RMDN1: variants seen among roughly 807,000 people sequenced by gnomAD.
The protein encoded by RMDN1 is regulator of microtubule dynamics protein 1.
Under a neutral mutation model 48.9 loss-of-function variants are expected in RMDN1, and 48 were observed. The ratio of observed to expected loss-of-function variants is 0.98; its 90% CI spans 0.78 to 1.25. The LOEUF (loss-of-function observed/expected upper bound fraction) is 1.25. Among genes scored for constraint, RMDN1 ranks in the 50% most tolerant of loss-of-function variants. RMDN1 has a pLI of 0.00. For synonymous variants in RMDN1, 148 were observed against 132.6 expected (o/e 1.12, Z -0.80); for missense variants, 418 against 373.4 (o/e 1.12, Z -0.98).
At chr8:86,508,253 C>A (rs1819712696) in intron 1 of RMDN1, 4 of 444,732 alleles carry the variant, frequency 9.0e-6, no homozygotes, top group Non-Finnish European at 1.6e-5. Context: ...GGGTAGCAGG[C>A]AGCTTCTGGG....
chr8:86,480,308 CT>C lies in RMDN1; in HGVS notation c.609del (p.Asp204MetfsTer42). On this transcript the variant is annotated frameshift_variant, in exon 6 of 10. Coordinates refer to ENST00000406452, the MANE Select transcript of RMDN1 (RefSeq NM_016033.3). LOFTEE classifies it high-confidence loss of function. ...HFEKAIELNPKDATSIHLMGI... is the reference protein window; with the variant it reads ...HFEKAIELNPXDATSIHLMGI... ...CCCATAAGGTGAATTGAAGTAGCAT[CT>C]TTAGGGTTCAGTTCAATTGCTTTCT... 6.5e-7 allele frequency: 1 copy of C among 1,543,654 alleles called. No individual in the cohort carries two copies. The highest frequency in any genetic ancestry group is 1.2e-5 in the South Asian group (1 of 81,920).
intron 2 of RMDN1, among the ~76,000 whole-genome samples, chr8:86,502,805 T>C (rs938616113): frequency 6.6e-6 from 1 of 152,196 alleles, no homozygotes; most frequent in Non-Finnish European, 1.5e-5. Context: ...ATTTCAGGCT[T>C]TGTGAGCCAT....
Position 86,472,468 on chromosome 8 carries a change from G to GTT in RMDN1, c.*1838_*1839dup. On this transcript the variant is annotated 3_prime_UTR_variant, in exon 10 of 10. Transcript: ENST00000406452. ...ACTTCCTGGCCCTTCAGCTGCTTCTGTTTCTCTTCACCTACAAAAATAAAA... is the reference window on the plus strand; with the variant it reads ...ACTTCCTGGCCCTTCAGCTGCTTCTGTTTTTCTCTTCACCTACAAAAATAAAA... 1 of 702,444 alleles carries GTT rather than the reference G, an allele frequency of 1.4e-6. No individual in the cohort carries two copies. Among genetic ancestry groups the GTT allele is most frequent in the Non-Finnish European group, 2.6e-6 (1 of 384,976 alleles). The allele number at this position is 702,444 out of a possible 1,614,324, so 43.5% of individuals were successfully genotyped here. A position where few individuals can be genotyped will look rare whatever the true frequency, so the allele number is the denominator to read the frequency against.
chr8:86,485,023 A>G, intron 4 of RMDN1, 62 bp from the exon 5 acceptor site: 1 of 921,410 alleles, frequency 1.1e-6, no homozygotes, highest in Non-Finnish European at 1.7e-6. Context: ...ATACAAGGTA[A>G]AACTGTATAA....
rs542507927 is a variant in RMDN1 at position 86,477,381 on chromosome 8, A to T, written c.730-57T>A. The T allele has an allele frequency of 1.2e-5, 16 of 1,368,996 alleles. No individual in the cohort carries two copies. The East Asian group carries it at 1.9e-4, about 16-fold the overall frequency. The allele number at this position is 1,368,996 out of a possible 1,614,324, so 84.8% of individuals were successfully genotyped here. ...AAAAAAGATTAAAGAAGACAATATT[A>T]AAAAAGCATTGTCTCAAAGATCTAC... On this transcript the variant is annotated intron_variant, in intron 7 of 9. Transcript: ENST00000406452.
chr8:86,470,194 G>A (rs1384353230), downstream of RMDN1: 45 of 1,288,868 alleles, frequency 3.5e-5, no homozygotes, highest in Non-Finnish European at 4.5e-5. Flanking sequence ...ATAACACTTA[G>A]AACACAGAGT....
intron 6 of RMDN1, among the ~76,000 whole-genome samples, chr8:86,479,308 A>T (rs1813936425): frequency 6.6e-6 from 1 of 152,196 alleles, no homozygotes; most frequent in Non-Finnish European, 1.5e-5. Context: ...ATTCCTTGTA[A>T]CAATTATATA....
chr8:86,478,300 T>C (rs1001615757), intron 7 of RMDN1: 1 of 152,202 alleles, frequency 6.6e-6, no homozygotes, highest in African/African-American at 2.4e-5. Flanking sequence ...TTCTACACTA[T>C]AGCTTCCCAG....
intron 8 of RMDN1, among the ~76,000 whole-genome samples, chr8:86,475,970 T>C: frequency 6.6e-6 from 1 of 152,188 alleles, no homozygotes; most frequent in Non-Finnish European, 1.5e-5. Flanking sequence ...TCTCAGAATG[T>C]ACAGTCTTAC....
chr8:86,504,342 G>C (rs1818909671), intron 2 of RMDN1: 2 of 1,578,260 alleles, frequency 1.3e-6, no homozygotes, highest in South Asian at 2.2e-5. Context: ...CACAAGAAAA[G>C]CAAGTCACCG....
At chr8:86,482,003 T>C (rs1814561173) in intron 5 of RMDN1, 2 of 841,950 alleles carry the variant, frequency 2.4e-6, no homozygotes, top group African/African-American at 1.7e-5. Context: ...AGGAGTACAG[T>C]CCTATACGAA....
Position 86,474,359 on chromosome 8 carries a change from C to A in RMDN1, c.895-1G>T. On this transcript the variant is annotated splice_acceptor_variant, in intron 9 of 9. Transcript: ENST00000406452. LOFTEE classifies it high-confidence loss of function. ...GCAACTGAGCAGCTTCTGTCTGTAT[C>A]TAAAATGGAAAAATACATGTTATAA... is the stretch of plus-strand genomic sequence containing the variant. 1 of 1,607,336 alleles carries A rather than the reference C, an allele frequency of 6.2e-7. No homozygotes were observed. The highest frequency in any genetic ancestry group is 1.1e-5 in the South Asian group (1 of 90,820).
chr8:86,494,950 A>G lies in RMDN1; in HGVS notation c.248-6311T>C, dbSNP rs556279524. 8 of 436,214 alleles carry G rather than the reference A, an allele frequency of 1.8e-5. No individual in the cohort carries two copies. The East Asian group carries it at 3.7e-4, about 20-fold the overall frequency. 27.0% of individuals were successfully genotyped at this position (436,214 alleles called of 1,614,324 possible). A position where few individuals can be genotyped will look rare whatever the true frequency, so the allele number is the denominator to read the frequency against. On this transcript the variant is annotated intron_variant, in intron 2 of 9. Coordinates refer to ENST00000406452, the MANE Select transcript of RMDN1 (RefSeq NM_016033.3). The stretch of plus-strand genomic sequence containing the variant: ...GATCGCACCTCCACACTCTACCCTC[A>G]GTGACACAGCGAGACTCTGTCTCAA...
intron 1 of RMDN1, chr8:86,508,243 G>T: frequency 2.3e-6 from 1 of 434,456 alleles, no homozygotes; most frequent in Non-Finnish European, 4.1e-6. Flanking sequence ...CAAGAAGGGC[G>T]GGTAGCAGGC....
At chr8:86,504,644 A>G (rs1818985279) in intron 2 of RMDN1, 2 of 888,726 alleles carry the variant, frequency 2.3e-6, no homozygotes, top group Non-Finnish European at 3.9e-6. Flanking sequence ...GTTTGTTATT[A>G]AAGGATGAGT....
rs753540368 is a variant in RMDN1, at chr8:86,473,037, C to T, written c.*1271G>A. ...TATTCCAAAATTTGGAAAAACATCC[C>T]AAATCCAAGATGCTTCTACTAGTCC... On this transcript the variant is annotated 3_prime_UTR_variant, in exon 10 of 10. Coordinates refer to ENST00000406452, the MANE Select transcript of RMDN1 (RefSeq NM_016033.3). The T allele has an allele frequency of 5.3e-5, 48 of 902,204 alleles. No individual in the cohort carries two copies. The highest frequency in any genetic ancestry group is 6.1e-5 in the Non-Finnish European group (46 of 754,630). The allele number at this position is 902,204 out of a possible 1,614,324, so 55.9% of individuals were successfully genotyped here.
chr8:86,505,199 T>C (rs916109201), intron 2 of RMDN1: 1 of 783,418 alleles, frequency 1.3e-6, no homozygotes, highest in Non-Finnish European at 2.0e-6. Context: ...ACGCACTCCA[T>C]GCGCACCTCA....
intron 1 of RMDN1, among the ~76,000 whole-genome samples, chr8:86,507,537 A>C (rs1819582536): frequency 6.6e-6 from 1 of 152,172 alleles, no homozygotes; most frequent in South Asian, 2.1e-4. Flanking sequence ...ACAGGGTCTC[A>C]CTGTGTTGCC....
chr8:86,488,516 G>A (rs765505751), intron 3 of RMDN1, 36 bp downstream of exon 3: 28 of 1,347,800 alleles, frequency 2.1e-5, no homozygotes, highest in Middle Eastern at 1.9e-4. Flanking sequence ...AAATTTTGAG[G>A]AAACCACAAG....
Sources: gnomAD v4.1 joint callset for allele counts (sites outside exome capture counted in the v4.1 genomes callset) on GRCh38, gnomAD v4.1.1 for gene constraint, MANE v1.5 for transcripts, NCBI Gene and HGNC (gene_info 2026-07-23, HGNC 2026-07-21) for gene names.